The following EFEMP1 variants were observed in gnomAD, a reference collection of about 807,000 sequenced individuals.
EFEMP1 encodes EGF-containing fibulin-like extracellular matrix protein 1.
In EFEMP1, 18 loss-of-function variants were observed where a neutral mutation model predicts 65.7. The observed-to-expected ratio is 0.27, with a 90% CI of 0.19 to 0.41. The LOEUF is 0.41. Among genes scored for constraint, EFEMP1 ranks in the 10% least tolerant of loss-of-function variants. The probability of loss-of-function intolerance (pLI) is 1.00; values close to 1 mark genes in which losing one functional copy is unlikely to be tolerated. For synonymous variants in EFEMP1, 237 were observed against 219.7 expected, an observed-to-expected ratio of 1.08 and a Z score of -0.70; for missense variants, 469 against 624.8, an observed-to-expected ratio of 0.75 and a Z score of 2.66.
intron 5 of EFEMP1, among the ~76,000 whole-genome samples, chr2:55,894,948 CT>C (rs1378639133): frequency 4.0e-4 from 61 of 152,338 alleles, no homozygotes; most frequent in African/African-American, 1.0e-3. Context: ...CCCCTTCCTA[CT>C]TAAATACTGA....
rs1670814924 is a variant in EFEMP1 at position 55,919,041 on chromosome 2, T to G, written c.82-774A>C. 6.6e-6 allele frequency among the ~76,000 whole-genome samples: 1 copy of G among 152,160 alleles called. No homozygotes were observed. Among genetic ancestry groups the G allele is most frequent in the South Asian group, 2.1e-4 (1 of 4,830 alleles). On this transcript the variant is annotated intron_variant, in intron 3 of 11. Transcript: ENST00000355426. This position sits in a 1 kb window ranked among gnomAD's most constrained non-coding sequence, Gnocchi z 4.5. ...CTCTGCCCGGGGGCATGGGTGAGCA[T>G]GGCAGGGCAGAAGGGAAGACTTGAC...
At position 55,877,661 on chromosome 2, in the gene EFEMP1, G is replaced by A. The variant is rs572283370; in HGVS notation, c.760+85C>T. The A allele has an allele frequency of 2.1e-5, 33 of 1,589,318 alleles. No individual in the cohort carries two copies. Among genetic ancestry groups the A allele is most frequent in the Admixed American group, 5.0e-5 (3 of 59,596 alleles). Reference sequence around the variant, plus strand: ...AAGTCGATGGAAACTATTTACTCAAGAACATAGAAAACTGGAAATACTGCA... The same window carrying A: ...AAGTCGATGGAAACTATTTACTCAAAAACATAGAAAACTGGAAATACTGCA... On this transcript the variant is annotated intron_variant, in intron 7 of 11. Coordinates refer to ENST00000355426, the MANE Select transcript of EFEMP1 (RefSeq NM_001039348.3). The surrounding 1 kb of genome is among the most constrained non-coding windows in gnomAD (Gnocchi z 4.5).
intron 3 of EFEMP1, among the ~76,000 whole-genome samples, chr2:55,920,658 G>A (rs142592238): frequency 2.9e-4 from 44 of 152,358 alleles, no homozygotes; most frequent in Admixed American, 1.1e-3. Context: ...GACATTTAAT[G>A]TCAGTGTACT....
Position 55,923,580 on chromosome 2 carries a change from G to C in EFEMP1, c.-49+131C>G. 4.1e-6 allele frequency: 4 copies of C among 984,020 alleles called. No homozygotes were observed. The highest frequency in any genetic ancestry group is 4.8e-6 in the Non-Finnish European group (4 of 828,608). 61.0% of individuals were successfully genotyped at this position (984,020 alleles called of 1,614,324 possible). On this transcript the variant is annotated intron_variant, in intron 1 of 11. Coordinates refer to ENST00000355426, the MANE Select transcript of EFEMP1 (RefSeq NM_001039348.3). The surrounding 1 kb of genome is among the most constrained non-coding windows in gnomAD (Gnocchi z 5.3). Reference sequence around the variant, plus strand: ...CACACCTCCACCTCCCTCTCTGCCCGAGACACCCTGCACAGTCCAGGGCAG... The same window carrying C: ...CACACCTCCACCTCCCTCTCTGCCCCAGACACCCTGCACAGTCCAGGGCAG...
intron 5 of EFEMP1, among the ~76,000 whole-genome samples, chr2:55,898,435 C>T (rs1434423399): frequency 2.6e-5 from 4 of 152,170 alleles, no homozygotes; most frequent in South Asian, 4.2e-4. Context: ...ATAGTCCTTA[C>T]GTAGCACACT....
rs1444397744 is a variant in EFEMP1 at position 55,881,685 on chromosome 2, C to T, written c.567G>A (p.Val189=). 4 of 1,613,858 alleles carry T rather than the reference C, an allele frequency of 2.5e-6. No homozygotes were observed. The highest frequency in any genetic ancestry group is 2.7e-5 in the African/African-American group (2 of 74,912). Residue 189 remains valine (V), a synonymous_variant, in exon 6 of 12, where the codon GTG becomes GTA. Coordinates refer to ENST00000355426, the MANE Select transcript of EFEMP1 (RefSeq NM_001039348.3). ...CAAAGGATCCCCGTAAATTGATGCA[C>T]ACTTGGTCTGCTCTACAGTTGTGCG... The part of the protein sequence containing the change: ...AGTHNCRADQ[V]CINLRGSFAC...
Position 55,877,773 on chromosome 2 carries a change from A to G in EFEMP1, c.733T>C (p.Leu245=), listed in dbSNP as rs1213745830. The change falls in exon 7 of 12, where the codon TTG becomes CTG. Residue 245 remains leucine, a synonymous_variant. Coordinates refer to ENST00000355426, the MANE Select transcript of EFEMP1 (RefSeq NM_001039348.3). This position sits in a 1 kb window ranked among gnomAD's most constrained non-coding sequence, Gnocchi z 4.5. ...ACGCAGGTATAGTTGTTTGCTGCCA[A>G]TTGAAACCCAGGACTGCACTGGCAA... ...FYCQCSPGFQ[L]AANNYTCVDI... 3.7e-6 allele frequency: 6 copies of G among 1,613,116 alleles called. No individual in the cohort carries two copies. The highest frequency in any genetic ancestry group is 1.6e-4 in the Middle Eastern group (1 of 6,076).
At chr2:55,876,780 A>G in intron 7 of EFEMP1, 38 bp from the exon 8 acceptor site, 2 of 1,234,346 alleles carry the variant, frequency 1.6e-6, no homozygotes, top group Non-Finnish European at 1.1e-6. Context: ...ATGTATATGT[A>G]TATATATACA....
Position 55,887,233 on chromosome 2 carries a change from C to T in EFEMP1, c.518-5499G>A, listed in dbSNP as rs1000222743. 3.3e-5 allele frequency among the ~76,000 whole-genome samples: 5 copies of T among 152,256 alleles called. No individual in the cohort carries two copies. In the East Asian group the frequency reaches 5.8e-4, roughly 18 times the overall value. The stretch of plus-strand genomic sequence containing the variant: ...AGCAGAGATTCAAACACCAGATTTC[C>T]ATTTTGTTTCTGCAATTTAGGTCCT... On this transcript the variant is annotated intron_variant, in intron 5 of 11. Transcript: ENST00000355426.
Position 55,922,872 on chromosome 2 carries a change from A to T in EFEMP1, c.-8+27T>A, listed in dbSNP as rs1670954390. On this transcript the variant is annotated intron_variant, in intron 2 of 11. Transcript: ENST00000355426. The surrounding 1 kb of genome is among the most constrained non-coding windows in gnomAD (Gnocchi z 5.5). ...GGGCTGCAAAACTCTGTTCTCTAGAACGTTAAGGCTTTCCCAGTATACTCA... is the reference window on the plus strand; with the variant it reads ...GGGCTGCAAAACTCTGTTCTCTAGATCGTTAAGGCTTTCCCAGTATACTCA... 3.5e-6 allele frequency: 4 copies of T among 1,140,396 alleles called. No individual in the cohort carries two copies. The South Asian group carries it at 6.1e-5, about 17-fold the overall frequency. The allele number at this position is 1,140,396 out of a possible 1,614,324, so 70.6% of individuals were successfully genotyped here. A position where few individuals can be genotyped will look rare whatever the true frequency, so the allele number is the denominator to read the frequency against.
chr2:55,906,099 G>A (rs566830951), intron 5 of EFEMP1, among the ~76,000 whole-genome samples: 167 of 151,954 alleles, frequency 1.1e-3, no homozygotes, highest in Non-Finnish European at 2.0e-3. Context: ...TAAATTGCAC[G>A]ACAATTAAAT....
At position 55,874,691 on chromosome 2, in the gene EFEMP1, G is replaced by T. The variant is rs56243516; in HGVS notation, c.1000+255C>A. On this transcript the variant is annotated intron_variant, in intron 9 of 11. Coordinates refer to ENST00000355426, the MANE Select transcript of EFEMP1 (RefSeq NM_001039348.3). ...ATTTGAAGATGTATCTCAAAGAGAT[G>T]ATGTAGGTTACATAGAATACATATC... Among the ~76,000 whole-genome samples, 25,226 of 151,918 alleles carry T rather than the reference G, an allele frequency of 0.17. 2,532 individuals are homozygous for T. The highest frequency in any genetic ancestry group is 0.3 in the South Asian group (1,457 of 4,804).
In EFEMP1 at chr2:55,876,535, T is replaced by C; in HGVS notation, c.880+88A>G. On this transcript the variant is annotated intron_variant, in intron 8 of 11. Transcript: ENST00000355426. ...AACAGAATTCCCATGGGTAAGCGTT[T>C]GTTTTCATAAATGGGTACATAATCA... The C allele has an allele frequency of 3.9e-6, 6 of 1,556,396 alleles. No individual in the cohort carries two copies. The South Asian group carries it at 6.9e-5, about 18-fold the overall frequency.
At chr2:55,889,121 G>T (rs1669540635) in intron 5 of EFEMP1, among the ~76,000 whole-genome samples, 1 of 152,196 alleles carries the variant, frequency 6.6e-6, no homozygotes, top group Non-Finnish European at 1.5e-5. Context: ...GGAGCCCAAA[G>T]CACACACATT....
Position 55,881,652 on chromosome 2 carries a change from C to G in EFEMP1, c.600G>C (p.Gln200His), listed in dbSNP as rs1669245586. Reference sequence around the variant, plus strand: ...CTCGCTTCTGATATCCAGGAGGGCACTGACATGCAAAGGATCCCCGTAAAT... The same window carrying G: ...CTCGCTTCTGATATCCAGGAGGGCAGTGACATGCAAAGGATCCCCGTAAAT... The part of the protein sequence containing the change: ...CINLRGSFAC[Q>H]CPPGYQKRGE... Residue 200 changes from glutamine (Q) to histidine (H), a missense_variant, in exon 6 of 12, where the codon CAG becomes CAC. Coordinates refer to ENST00000355426, the MANE Select transcript of EFEMP1 (RefSeq NM_001039348.3). 1.2e-6 allele frequency: 2 copies of G among 1,613,930 alleles called. No individual in the cohort carries two copies. Among genetic ancestry groups the G allele is most frequent in the Admixed American group, 3.3e-5 (2 of 59,980 alleles).
intron 3 of EFEMP1, 90 bp from the exon 4 acceptor site, chr2:55,918,357 G>A: frequency 7.0e-7 from 1 of 1,435,378 alleles, no homozygotes; most frequent in African/African-American, 1.4e-5. Flanking sequence ...TCATTCTTAT[G>A]GCAACAATCC....
At position 55,917,771 on chromosome 2, in the gene EFEMP1, A is replaced by C. The variant is rs768547475; in HGVS notation, c.411T>G (p.Phe137Leu). 6.2e-7 allele frequency: 1 copy of C among 1,614,200 alleles called. No individual in the cohort carries two copies. Among genetic ancestry groups the C allele is most frequent in the South Asian group, 1.1e-5 (1 of 91,084 alleles). The change falls in exon 5 of 12, where the codon TTT becomes TTG. Residue 137 changes from phenylalanine to leucine, a missense_variant. This residue lies in a region of EFEMP1 where 399 missense variants were observed against 528.2 expected (regional missense o/e 0.76). Coordinates refer to ENST00000355426, the MANE Select transcript of EFEMP1 (RefSeq NM_001039348.3). This position sits in a 1 kb window ranked among gnomAD's most constrained non-coding sequence, Gnocchi z 6.3. ...GPEMQTGRNNFVIRRNPADPQ... is the reference protein window; with the variant it reads ...GPEMQTGRNNLVIRRNPADPQ... ...GGTCAGCTGGGTTCCGCCGGATGAC[A>C]AAGTTATTTCGGCCAGTCTGCATTT...
chr2:55,912,464 A>G (rs1484450954), intron 5 of EFEMP1, among the ~76,000 whole-genome samples: 1 of 152,230 alleles, frequency 6.6e-6, no homozygotes, highest in Non-Finnish European at 1.5e-5. Flanking sequence ...AAAGAAAGAT[A>G]TCCCTAGCAT....
rs755381739 is a variant in EFEMP1 at position 55,877,069 on chromosome 2, G to A, written c.761-327C>T. ...TCTAATAAATATACACTCCGGTATC[G>A]ATTTTCTTTTGTTGTTCAGATACAA... On this transcript the variant is annotated intron_variant, in intron 7 of 11. Transcript: ENST00000355426. The surrounding 1 kb of genome is among the most constrained non-coding windows in gnomAD (Gnocchi z 4.5). Among the ~76,000 whole-genome samples, 22 of 152,026 alleles carry A rather than the reference G, an allele frequency of 1.4e-4. No individual in the cohort carries two copies. The highest frequency in any genetic ancestry group is 2.6e-4 in the Non-Finnish European group (18 of 67,994).
Sources: allele counts gnomAD v4.1 joint callset (sites outside exome capture counted in the v4.1 genomes callset), GRCh38; gene constraint gnomAD v4.1.1; regional missense constraint gnomAD v4.1.1; non-coding constraint Gnocchi (gnomAD v3.1); transcripts MANE v1.5; gene names NCBI Gene and HGNC (gene_info 2026-07-23, HGNC 2026-07-21).